The following FAM53B variants were observed in gnomAD, a reference collection of about 807,000 sequenced individuals.
FAM53B encodes the protein family with sequence similarity 53 member B, also known as protein FAM53B.
Under a neutral mutation model 32.7 loss-of-function variants are expected in FAM53B, and 12 were observed. The ratio of observed to expected loss-of-function variants is 0.37; its 90% CI spans 0.24 to 0.59. The LOEUF (loss-of-function observed/expected upper bound fraction) is 0.59. Ranked by LOEUF, FAM53B falls within the 20% of genes least tolerant of loss-of-function variation. The pLI, the probability that FAM53B is intolerant of heterozygous loss-of-function variation, is 0.72. For missense variants in FAM53B, 477 were observed against 577.7 expected, an observed-to-expected ratio of 0.83 and a Z score of 1.79; for synonymous variants, 234 against 228.7, an observed-to-expected ratio of 1.02 and a Z score of -0.21.
chr10:124,637,941 G>A (rs565377630), intron 4 of FAM53B, among the ~76,000 whole-genome samples: 14 of 152,232 alleles, frequency 9.2e-5, no homozygotes, highest in African/African-American at 2.4e-4. Context: ...GGAGCCCCCC[G>A]CACCCAGGAG....
intron 1 of FAM53B, among the ~76,000 whole-genome samples, 168 bp downstream of exon 1, chr10:124,743,844 GA>G (rs1173469461): frequency 1.3e-5 from 2 of 149,966 alleles, no homozygotes; most frequent in Non-Finnish European, 3.0e-5. Flanking sequence ...AAACAAGGCA[GA>G]AAAAAAGGAA....
chr10:124,647,788 C>T (rs571120277), intron 4 of FAM53B, among the ~76,000 whole-genome samples: 10 of 152,008 alleles, frequency 6.6e-5, no homozygotes, highest in African/African-American at 2.4e-4. Flanking sequence ...TGAGATGAGC[C>T]GAGGAAAATG....
At position 124,621,524 on chromosome 10, in the gene FAM53B, G is replaced by A. The variant is rs1949310621; in HGVS notation, c.*1718C>T. 2.6e-5 allele frequency: 4 copies of A among 152,322 alleles called. No homozygotes were observed. Among genetic ancestry groups the A allele is most frequent in the Non-Finnish European group, 5.9e-5 (4 of 68,034 alleles). 9.4% of individuals were successfully genotyped at this position (152,322 alleles called of 1,614,324 possible). On this transcript the variant is annotated 3_prime_UTR_variant, in exon 5 of 5. Transcript: ENST00000337318. Reference sequence around the variant, plus strand: ...CATACCCCATGTGTCAGCCACCTGAGCTAGCAACACCATCTCTCAGGGCTG... The same window carrying A: ...CATACCCCATGTGTCAGCCACCTGAACTAGCAACACCATCTCTCAGGGCTG...
chr10:124,652,022 G>A (rs942417782), intron 4 of FAM53B, among the ~76,000 whole-genome samples: 2 of 152,198 alleles, frequency 1.3e-5, no homozygotes, highest in Non-Finnish European at 2.9e-5. Context: ...TTTCCAAAGG[G>A]CATACCTGGA....
chr10:124,664,484 T>C (rs1215984904), intron 4 of FAM53B, among the ~76,000 whole-genome samples: 1 of 152,194 alleles, frequency 6.6e-6, no homozygotes, highest in African/African-American at 2.4e-5. Flanking sequence ...AGATCCGCCA[T>C]CACAATCTGC....
At chr10:124,731,216 A>G (rs887753005) in intron 1 of FAM53B, among the ~76,000 whole-genome samples, 6 of 152,382 alleles carry the variant, frequency 3.9e-5, no homozygotes, top group African/African-American at 7.2e-5. Flanking sequence ...GCACAGTGGC[A>G]TTCAAAAAGT....
chr10:124,622,284 T>C lies in FAM53B; in HGVS notation c.*958A>G, dbSNP rs972937706. Reference sequence around the variant, plus strand: ...GACGCCCTTCACCCCTGAGTGCGCATAGGGCCCTCATCTGCCCACCTGCTC... The same window carrying C: ...GACGCCCTTCACCCCTGAGTGCGCACAGGGCCCTCATCTGCCCACCTGCTC... On this transcript the variant is annotated 3_prime_UTR_variant, in exon 5 of 5. Coordinates refer to ENST00000337318, the MANE Select transcript of FAM53B (RefSeq NM_014661.4). 6.6e-6 allele frequency: 1 copy of C among 152,152 alleles called. No individual in the cohort carries two copies. Among genetic ancestry groups the C allele is most frequent in the African/African-American group, 2.4e-5 (1 of 41,384 alleles). 9.4% of individuals were successfully genotyped at this position (152,152 alleles called of 1,614,324 possible).
intron 4 of FAM53B, among the ~76,000 whole-genome samples, chr10:124,661,946 C>G (rs1011240696): frequency 6.6e-6 from 1 of 152,346 alleles, no homozygotes; most frequent in Middle Eastern, 3.4e-3. Context: ...GTCTGGGCTC[C>G]GATCGGTGAG....
At chr10:124,688,360 A>G (rs770673366) in intron 3 of FAM53B, among the ~76,000 whole-genome samples, 1 of 152,238 alleles carries the variant, frequency 6.6e-6, no homozygotes, top group South Asian at 2.1e-4. Flanking sequence ...CCTTTAGGGC[A>G]TGTAAAGCTT....
At chr10:124,742,647 G>A (rs1950206021) in intron 1 of FAM53B, 1 of 152,322 alleles carries the variant, frequency 6.6e-6, no homozygotes. Context: ...TCCAACTCCT[G>A]CAGCAGTCAA....
At chr10:124,674,855 G>C (rs1364409470) in intron 4 of FAM53B, among the ~76,000 whole-genome samples, 1 of 152,220 alleles carries the variant, frequency 6.6e-6, no homozygotes, top group Non-Finnish European at 1.5e-5. Context: ...GCCAGCACCA[G>C]AGCAGGGCCT....
At chr10:124,631,546 G>A (rs1949391088) in intron 4 of FAM53B, among the ~76,000 whole-genome samples, 1 of 152,186 alleles carries the variant, frequency 6.6e-6, no homozygotes, top group Non-Finnish European at 1.5e-5. Flanking sequence ...TCACTCCGTT[G>A]GCCTGGGGAG....
At chr10:124,646,413 C>T (rs1949515264) in intron 4 of FAM53B, among the ~76,000 whole-genome samples, 1 of 152,252 alleles carries the variant, frequency 6.6e-6, no homozygotes, top group Non-Finnish European at 1.5e-5. Context: ...GAGAAACGTG[C>T]CATTCTACAG....
chr10:124,625,980 TGTCCA>T (rs1247398901), intron 4 of FAM53B, among the ~76,000 whole-genome samples: 1 of 152,168 alleles, frequency 6.6e-6, no homozygotes, highest in Non-Finnish European at 1.5e-5. Flanking sequence ...TAAATAATCA[TGTCCA>T]GTCAAGGCCA....
intron 4 of FAM53B, among the ~76,000 whole-genome samples, chr10:124,642,588 G>A (rs1327550463): frequency 6.6e-6 from 1 of 152,196 alleles, no homozygotes; most frequent in African/African-American, 2.4e-5. Context: ...CCATCCTTCG[G>A]CAGCAATGTC....
chr10:124,680,180 C>T (rs1234160812), intron 4 of FAM53B, among the ~76,000 whole-genome samples: 6 of 152,206 alleles, frequency 3.9e-5, no homozygotes, highest in African/African-American at 1.2e-4. Context: ...GATTGGCACA[C>T]GCCTAGAGCC....
chr10:124,669,625 C>A (rs546357223), intron 4 of FAM53B, among the ~76,000 whole-genome samples: 31 of 152,334 alleles, frequency 2.0e-4, no homozygotes, highest in African/African-American at 6.7e-4. Flanking sequence ...CCTACCTGAC[C>A]GTCAGGGAAC....
intron 4 of FAM53B, among the ~76,000 whole-genome samples, chr10:124,673,235 C>T (rs1949717834): frequency 6.6e-6 from 1 of 152,162 alleles, no homozygotes; most frequent in Non-Finnish European, 1.5e-5. Flanking sequence ...ATGCTGCTCA[C>T]TGTTGTCCCA....
intron 3 of FAM53B, among the ~76,000 whole-genome samples, chr10:124,685,137 G>A (rs1949794526): frequency 6.6e-6 from 1 of 152,244 alleles, no homozygotes; most frequent in Admixed American, 6.5e-5. Context: ...TGTATAGAGG[G>A]TGTGATTCCT....
Sources: allele counts gnomAD v4.1 joint callset (sites outside exome capture counted in the v4.1 genomes callset), GRCh38; gene constraint gnomAD v4.1.1; transcripts MANE v1.5; gene names NCBI Gene and HGNC (gene_info 2026-07-23, HGNC 2026-07-21).